Variants in RAPGEF5 observed in about 807,000 individuals in gnomAD.
RAPGEF5 encodes the protein Rap guanine nucleotide exchange factor 5.
Under a neutral mutation model 125.2 loss-of-function variants are expected in RAPGEF5, and 65 were observed. That is an observed-to-expected ratio of 0.52 (90% CI 0.43 to 0.64). The LOEUF (loss-of-function observed/expected upper bound fraction) is 0.64, where lower values mean the gene tolerates loss of function less well. RAPGEF5 is among the 30% of genes least tolerant of loss of function. The pLI, the probability that RAPGEF5 is intolerant of heterozygous loss-of-function variation, is 0.00. For missense variants in RAPGEF5, 958 were observed against 1,048.1 expected (o/e 0.91, Z 1.19); for synonymous variants, 391 against 385.9 (o/e 1.01, Z -0.16).
intron 5 of RAPGEF5, among the ~76,000 whole-genome samples, chr7:22,293,492 T>G (rs1320899734): frequency 6.6e-6 from 1 of 152,112 alleles, no homozygotes; most frequent in Non-Finnish European, 1.5e-5. Flanking sequence ...CTTGAACAAA[T>G]TATTTTAACC....
At chr7:22,338,602 T>C (rs1037027076) in intron 1 of RAPGEF5, among the ~76,000 whole-genome samples, 10 of 152,216 alleles carry the variant, frequency 6.6e-5, no homozygotes, top group African/African-American at 9.7e-5. Context: ...GCTTCTTTTA[T>C]CCTTCAAGAC....
chr7:22,244,914 G>A (rs1340436958), intron 7 of RAPGEF5, among the ~76,000 whole-genome samples: 2 of 152,148 alleles, frequency 1.3e-5, no homozygotes, highest in Non-Finnish European at 2.9e-5. Context: ...ATTGTGGTAT[G>A]GCTGTACTAA....
At chr7:22,348,571 A>G (rs1300705161) in intron 1 of RAPGEF5, among the ~76,000 whole-genome samples, 1 of 152,256 alleles carries the variant, frequency 6.6e-6, no homozygotes, top group East Asian at 1.9e-4. Flanking sequence ...AATGACTTCT[A>G]GGATGAGTCA....
At chr7:22,187,035 A>T (rs987539110) in intron 11 of RAPGEF5, among the ~76,000 whole-genome samples, 19 of 152,240 alleles carry the variant, frequency 1.2e-4, no homozygotes, top group African/African-American at 4.3e-4. Context: ...ATGGCCACTG[A>T]GCCTTGGATT....
At chr7:22,267,551 T>C (rs1170011667) in intron 6 of RAPGEF5, among the ~76,000 whole-genome samples, 1 of 152,106 alleles carries the variant, frequency 6.6e-6, no homozygotes, top group Non-Finnish European at 1.5e-5. Flanking sequence ...GCATCATCAA[T>C]GCATAGGGCA....
intron 3 of RAPGEF5, among the ~76,000 whole-genome samples, chr7:22,315,019 A>T (rs1375133795): frequency 6.6e-6 from 1 of 152,056 alleles, no homozygotes; most frequent in Non-Finnish European, 1.5e-5. Context: ...GGGCCTCAAT[A>T]AGGCCCCTAA....
chr7:22,131,362 T>G (rs918978139), intron 23 of RAPGEF5, among the ~76,000 whole-genome samples: 4 of 152,340 alleles, frequency 2.6e-5, no homozygotes, highest in South Asian at 2.1e-4. Context: ...AATGAAATGT[T>G]TGACTTCAAT....
intron 5 of RAPGEF5, among the ~76,000 whole-genome samples, chr7:22,297,616 A>T (rs1296913870): frequency 6.6e-6 from 1 of 152,256 alleles, no homozygotes; most frequent in Non-Finnish European, 1.5e-5. Context: ...TTAAAATCTG[A>T]CAGAACAAGA....
intron 11 of RAPGEF5, among the ~76,000 whole-genome samples, chr7:22,171,274 A>G (rs952813771): frequency 1.9e-4 from 29 of 152,172 alleles, no homozygotes; most frequent in African/African-American, 6.8e-4. Context: ...TCCAAATTAA[A>G]ACACTATAAT....
At chr7:22,158,031 T>C in intron 14 of RAPGEF5, 146 bp from the exon 15 acceptor site, 1 of 704,166 alleles carries the variant, frequency 1.4e-6, no homozygotes, top group Non-Finnish European at 2.4e-6. Context: ...ATTCACTATG[T>C]ACAACACATT....
intron 5 of RAPGEF5, among the ~76,000 whole-genome samples, chr7:22,306,378 ACTGT>A (rs1209598217): frequency 6.6e-6 from 1 of 152,026 alleles, no homozygotes; most frequent in Admixed American, 6.6e-5. Flanking sequence ...TTTTTGAGAA[ACTGT>A]CTATTCAGAT....
At chr7:22,185,209 C>G (rs901439037) in intron 11 of RAPGEF5, among the ~76,000 whole-genome samples, 1 of 152,204 alleles carries the variant, frequency 6.6e-6, no homozygotes, top group African/African-American at 2.4e-5. Context: ...AATGGTGGCT[C>G]AATCACTAAG....
chr7:22,141,067 A>T (rs1278182192), intron 20 of RAPGEF5, among the ~76,000 whole-genome samples: 3 of 152,218 alleles, frequency 2.0e-5, no homozygotes, highest in Admixed American at 2.0e-4. Flanking sequence ...TCTCACATGG[A>T]ATCTGGGAAT....
chr7:22,162,864 C>A, intron 12 of RAPGEF5: 1 of 483,074 alleles, frequency 2.1e-6, no homozygotes, highest in Admixed American at 2.4e-5. Context: ...TCAACAGTGA[C>A]TCTAAGAAGA....
At chr7:22,255,115 A>T (rs997972543) in intron 7 of RAPGEF5, among the ~76,000 whole-genome samples, 1 of 152,054 alleles carries the variant, frequency 6.6e-6, no homozygotes, top group Non-Finnish European at 1.5e-5. Flanking sequence ...CCATATGCCC[A>T]CCCCAAATGC....
intron 17 of RAPGEF5, among the ~76,000 whole-genome samples, chr7:22,152,565 C>G (rs1239744869): frequency 2.6e-5 from 4 of 152,068 alleles, no homozygotes; most frequent in Non-Finnish European, 5.9e-5. Flanking sequence ...CGTATAACTA[C>G]CCTGGGTAAA....
chr7:22,309,908 G>A (rs1783429042), intron 4 of RAPGEF5, 61 bp downstream of exon 4: 1 of 1,469,818 alleles, frequency 6.8e-7, no homozygotes, highest in Non-Finnish European at 9.0e-7. Context: ...AAAATCAAGT[G>A]TATTTTCATC....
rs1285338086 is a variant in RAPGEF5 at position 22,355,904 on chromosome 7, GAA to G, written c.231+924_231+925del. Reference sequence around the variant, plus strand: ...TTAAAAATTACAGCCAAACGGGAAAGAAAAACCACATTGATGCAGCTTCTCAT... The same window carrying G: ...TTAAAAATTACAGCCAAACGGGAAAGAAACCACATTGATGCAGCTTCTCAT... On this transcript the variant is annotated intron_variant, in intron 1 of 25. Coordinates refer to ENST00000665637, the MANE Select transcript of RAPGEF5 (RefSeq NM_012294.5). 3 of 958,554 alleles carry G rather than the reference GAA, an allele frequency of 3.1e-6. No individual in the cohort carries two copies. In the African/African-American group the frequency reaches 5.3e-5, roughly 17 times the overall value. 59.4% of individuals were successfully genotyped at this position (958,554 alleles called of 1,614,324 possible). A position where few individuals can be genotyped will look rare whatever the true frequency, so the allele number is the denominator to read the frequency against.
At chr7:22,302,166 C>T (rs1783222656) in intron 5 of RAPGEF5, among the ~76,000 whole-genome samples, 1 of 152,118 alleles carries the variant, frequency 6.6e-6, no homozygotes, top group Non-Finnish European at 1.5e-5. Context: ...TCTTGTAATC[C>T]CTTTTGGATA....
Sources: gnomAD v4.1 joint callset for allele counts (sites outside exome capture counted in the v4.1 genomes callset) on GRCh38, gnomAD v4.1.1 for gene constraint, MANE v1.5 for transcripts, NCBI Gene and HGNC (gene_info 2026-07-23, HGNC 2026-07-21) for gene names.